CNOT2: variants seen among roughly 807,000 people sequenced by gnomAD.
The protein encoded by CNOT2 is CCR4-NOT transcription complex subunit 2, also known as CC chemokine receptor 4-negative regulator of transcription 2.
In CNOT2, 7 loss-of-function variants were observed where a neutral mutation model predicts 72.1. That is an observed-to-expected ratio of 0.10 (90% confidence interval 0.06 to 0.18). The LOEUF (loss-of-function observed/expected upper bound fraction) is 0.18, where lower values mean the gene tolerates loss of function less well. CNOT2 is among the 10% of genes least tolerant of loss of function. CNOT2 has a pLI of 1.00. For missense variants in CNOT2, 345 were observed against 660.3 expected (o/e 0.52, Z 5.23); for synonymous variants, 196 against 225.6 (o/e 0.87, Z 1.17).
At chr12:70,342,879 T>G (rs1881690045) in intron 13 of CNOT2, among the ~76,000 whole-genome samples, 1 of 152,160 alleles carries the variant, frequency 6.6e-6, no homozygotes, top group Non-Finnish European at 1.5e-5. Context: ...ATTTTAGCCT[T>G]GGGAAACTAC....
intron 2 of CNOT2, among the ~76,000 whole-genome samples, chr12:70,283,663 A>G (rs1226932466): frequency 6.6e-6 from 1 of 151,092 alleles, no homozygotes; most frequent in African/African-American, 2.4e-5. Context: ...AAAAAAAAAA[A>G]AAAAGGAAAA....
At chr12:70,265,124 T>C (rs368457218) in intron 1 of CNOT2, among the ~76,000 whole-genome samples, 7 of 152,154 alleles carry the variant, frequency 4.6e-5, no homozygotes, top group African/African-American at 1.7e-4. Flanking sequence ...TTTTCTTGTT[T>C]TTAGTTTTGG....
intron 14 of CNOT2, chr12:70,344,839 T>G (rs1524250): frequency 0.31 from 47,726 of 152,100 alleles, 7,761 homozygotes; most frequent in Admixed American, 0.46. Flanking sequence ...CATGACTATG[T>G]TTTTTATTCC....
chr12:70,279,505 T>C (rs1869444453), intron 2 of CNOT2, among the ~76,000 whole-genome samples: 1 of 152,186 alleles, frequency 6.6e-6, no homozygotes, highest in Admixed American at 6.5e-5. Context: ...GTTGTCCTCA[T>C]AGACTTGACC....
intron 2 of CNOT2, among the ~76,000 whole-genome samples, chr12:70,303,240 T>G (rs1439890748): frequency 6.6e-6 from 1 of 152,232 alleles, no homozygotes; most frequent in Non-Finnish European, 1.5e-5. Flanking sequence ...TTGTTATGTG[T>G]GAATTTGATC....
Position 70,339,091 on chromosome 12 carries a change from T to TATACAC in CNOT2, c.1178+270_1178+271insTACACA, listed in dbSNP as rs371015394. Among the ~76,000 whole-genome samples the TATACAC allele has an allele frequency of 4.5e-3, 617 of 138,350 alleles. 4 individuals carry two copies. The highest frequency in any genetic ancestry group is 0.016 in the African/African-American group (561 of 36,018). The allele number at this position is 138,350 out of a possible 152,430, so 90.8% of individuals were successfully genotyped here. ...ATGTGTGTGTGTATATATATATATA[T>TATACAC]ACACACACACACACACACACACCTT... On this transcript the variant is annotated intron_variant, in intron 11 of 15. Transcript: ENST00000229195.
At chr12:70,305,401 G>C (rs1346744991) in intron 2 of CNOT2, among the ~76,000 whole-genome samples, 1 of 152,186 alleles carries the variant, frequency 6.6e-6, no homozygotes, top group Non-Finnish European at 1.5e-5. Context: ...GGTTCCTTCT[G>C]CGACACGTGG....
chr12:70,308,079 G>A (rs1875756882), intron 2 of CNOT2, among the ~76,000 whole-genome samples: 1 of 152,048 alleles, frequency 6.6e-6, no homozygotes, highest in Non-Finnish European at 1.5e-5. Flanking sequence ...AGTTCATGCT[G>A]CCTGAGCCAT....
At chr12:70,247,201 G>A (rs906802105) in intron 1 of CNOT2, among the ~76,000 whole-genome samples, 2 of 150,028 alleles carry the variant, frequency 1.3e-5, no homozygotes, top group African/African-American at 4.9e-5. Flanking sequence ...AGTTTTGCTC[G>A]TCGCTGAGGC....
intron 1 of CNOT2, among the ~76,000 whole-genome samples, chr12:70,253,363 CAAGT>C (rs1958245934): frequency 1.3e-5 from 2 of 152,152 alleles, no homozygotes; most frequent in Non-Finnish European, 2.9e-5. Flanking sequence ...AAACTCCTGA[CAAGT>C]AGGTATTTAC....
At chr12:70,255,431 A>G (rs1437874417) in intron 1 of CNOT2, among the ~76,000 whole-genome samples, 6 of 152,174 alleles carry the variant, frequency 3.9e-5, no homozygotes, top group Non-Finnish European at 8.8e-5. Flanking sequence ...TTTGTCCCTT[A>G]AATCTGTAAG....
chr12:70,265,659 A>G (rs1040884768), intron 1 of CNOT2, among the ~76,000 whole-genome samples: 3 of 150,110 alleles, frequency 2.0e-5, no homozygotes, highest in Non-Finnish European at 3.0e-5. Context: ...TTTATTTATT[A>G]TTTTTGTTTA....
intron 1 of CNOT2, among the ~76,000 whole-genome samples, chr12:70,249,836 A>G (rs555004883): frequency 2.0e-5 from 3 of 152,226 alleles, no homozygotes; most frequent in East Asian, 1.9e-4. Context: ...TACACTTTAC[A>G]TATTATTGCA....
chr12:70,320,574 A>G (rs1269457295), intron 4 of CNOT2, among the ~76,000 whole-genome samples: 1 of 151,752 alleles, frequency 6.6e-6, no homozygotes, highest in Non-Finnish European at 1.5e-5. Flanking sequence ...ACAAATATTT[A>G]TCCTAGTTGT....
In CNOT2 at chr12:70,353,913, TAAAAAAAAAAAA is replaced by T. The variant is rs35192504; in HGVS notation, c.*12_*23del. The T allele has an allele frequency of 5.2e-5, 66 of 1,275,466 alleles. No homozygotes were observed. Among genetic ancestry groups the T allele is most frequent in the African/African-American group, 1.8e-4 (8 of 44,328 alleles). 79.0% of individuals were successfully genotyped at this position (1,275,466 alleles called of 1,614,324 possible). On this transcript the variant is annotated stop_retained_variant and 3_prime_UTR_variant, in exon 16 of 16. Coordinates refer to ENST00000229195, the MANE Select transcript of CNOT2 (RefSeq NM_014515.7). ...CTACAACCCTGCTCAGCAAGCCTTC[TAAAAAAAAAAAA>T]AAAAAAAAAAAAAGACTTCCCTTTT...
intron 1 of CNOT2, among the ~76,000 whole-genome samples, chr12:70,263,702 C>T (rs1958887194): frequency 6.6e-6 from 1 of 152,154 alleles, no homozygotes; most frequent in Non-Finnish European, 1.5e-5. Context: ...AGGCAGTTTT[C>T]GTTGACTGCT....
chr12:70,268,412 G>A (rs1427249481), intron 1 of CNOT2, among the ~76,000 whole-genome samples: 1 of 151,912 alleles, frequency 6.6e-6, no homozygotes, highest in African/African-American at 2.4e-5. Flanking sequence ...CCTATGTGGT[G>A]GTTTTTCTTA....
chr12:70,320,467 A>G (rs1878107890), intron 4 of CNOT2, among the ~76,000 whole-genome samples: 1 of 151,774 alleles, frequency 6.6e-6, no homozygotes, highest in East Asian at 1.9e-4. Context: ...TTGTTAATAT[A>G]GAATTAGTAG....
intron 4 of CNOT2, among the ~76,000 whole-genome samples, chr12:70,325,740 T>C (rs1406707068): frequency 6.6e-6 from 1 of 151,852 alleles, no homozygotes; most frequent in African/African-American, 2.4e-5. Flanking sequence ...TCCTTTTTAG[T>C]ATGGGCATGC....
Sources: gnomAD v4.1 joint callset for allele counts (sites outside exome capture counted in the v4.1 genomes callset) on GRCh38, gnomAD v4.1.1 for gene constraint, MANE v1.5 for transcripts, NCBI Gene and HGNC (gene_info 2026-07-23, HGNC 2026-07-21) for gene names.